The following CTIF variants were observed in gnomAD, a reference collection of about 807,000 sequenced individuals.
CTIF encodes the protein cap binding complex dependent translation initiation factor, also known as CBP80/20-dependent translation initiation factor.
CTIF carries 21 observed loss-of-function variants against 66.0 expected under a neutral mutation model. That is an observed-to-expected ratio of 0.32 (90% CI 0.23 to 0.46). The LOEUF (loss-of-function observed/expected upper bound fraction) is 0.46. Among genes scored for constraint, CTIF ranks in the 20% least tolerant of loss-of-function variants. The pLI, the probability that CTIF is intolerant of heterozygous loss-of-function variation, is 1.00. For missense variants in CTIF, 739 were observed against 812.7 expected (o/e 0.91, Z 1.10); for synonymous variants, 345 against 326.4 (o/e 1.06, Z -0.62).
At chr18:48,836,082 C>T (rs965842122) in intron 10 of CTIF, among the ~76,000 whole-genome samples, 7 of 152,136 alleles carry the variant, frequency 4.6e-5, no homozygotes, top group East Asian at 1.9e-4. Flanking sequence ...TGCATACCCC[C>T]GCCCTAGGAG....
At position 48,701,807 on chromosome 18, in the gene CTIF, T is replaced by C. The variant is rs553395242; in HGVS notation, c.508-9812T>C. Among the ~76,000 whole-genome samples, 20 of 152,306 alleles carry C rather than the reference T, an allele frequency of 1.3e-4. No individual in the cohort carries two copies. The South Asian group carries it at 2.5e-3, about 19-fold the overall frequency. On this transcript the variant is annotated intron_variant, in intron 6 of 11. Transcript: ENST00000256413. ...ATTGCCTGGTAGATTCCTCCTGACA[T>C]GGCTACCCGTGGAGGGCAATAAGGG...
At chr18:48,572,773 AC>A (rs2089444674) in intron 1 of CTIF, among the ~76,000 whole-genome samples, 1 of 151,780 alleles carries the variant, frequency 6.6e-6, no homozygotes, top group South Asian at 2.1e-4. Flanking sequence ...GGATTGCTTG[AC>A]CCCAGGAGTT....
intron 3 of CTIF, among the ~76,000 whole-genome samples, chr18:48,649,100 T>C (rs1353764996): frequency 6.6e-6 from 1 of 152,168 alleles, no homozygotes; most frequent in East Asian, 1.9e-4. Context: ...TCACTGGGAC[T>C]GGTTGGACAG....
At chr18:48,775,221 C>T (rs1238215445) in intron 9 of CTIF, among the ~76,000 whole-genome samples, 1 of 152,218 alleles carries the variant, frequency 6.6e-6, no homozygotes, top group Admixed American at 6.5e-5. Flanking sequence ...GGTCATAATA[C>T]CCATCTCCTC....
At chr18:48,633,618 C>T (rs941321081) in intron 2 of CTIF, among the ~76,000 whole-genome samples, 9 of 151,962 alleles carry the variant, frequency 5.9e-5, no homozygotes, top group African/African-American at 1.9e-4. Context: ...AAGAGAATCG[C>T]TTGAACCTGG....
At chr18:48,722,706 G>A (rs973655128) in intron 7 of CTIF, among the ~76,000 whole-genome samples, 11 of 151,500 alleles carry the variant, frequency 7.3e-5, no homozygotes, top group East Asian at 3.9e-4. Flanking sequence ...ACCCATCAGC[G>A]CTCACAGGTG....
At chr18:48,631,402 G>C (rs1472524767) in intron 2 of CTIF, among the ~76,000 whole-genome samples, 2 of 152,250 alleles carry the variant, frequency 1.3e-5, no homozygotes, top group Non-Finnish European at 2.9e-5. Flanking sequence ...AGAGGGGAAG[G>C]TTGCAGTGAG....
At chr18:48,774,477 G>T (rs149133590) in intron 9 of CTIF, among the ~76,000 whole-genome samples, 13 of 151,244 alleles carry the variant, frequency 8.6e-5, no homozygotes, top group South Asian at 2.1e-4. Flanking sequence ...GGCCTCTTTG[G>T]GGGGGACAGG....
At chr18:48,580,783 C>T (rs1257991107) in intron 1 of CTIF, among the ~76,000 whole-genome samples, 1 of 152,172 alleles carries the variant, frequency 6.6e-6, no homozygotes, top group Non-Finnish European at 1.5e-5. Context: ...TTTTGGCTCC[C>T]CCGCCCTGCA....
At chr18:48,566,153 T>C (rs1323290208) in intron 1 of CTIF, 1 of 152,258 alleles carries the variant, frequency 6.6e-6, no homozygotes, top group Non-Finnish European at 1.5e-5. Flanking sequence ...CCCCACTCAC[T>C]ACTTTCTCAG....
intron 1 of CTIF, among the ~76,000 whole-genome samples, chr18:48,543,477 G>T (rs1476336031): frequency 6.6e-6 from 1 of 152,148 alleles, no homozygotes; most frequent in East Asian, 1.9e-4. Context: ...GCTGTGTGCG[G>T]TTTAATTTAG....
intron 6 of CTIF, among the ~76,000 whole-genome samples, chr18:48,689,393 G>A (rs888441024): frequency 5.9e-5 from 9 of 152,176 alleles, no homozygotes; most frequent in African/African-American, 1.2e-4. Flanking sequence ...GCAGCAGCCC[G>A]CTCTCATTTT....
intron 1 of CTIF, among the ~76,000 whole-genome samples, chr18:48,582,955 C>A (rs981954772): frequency 6.6e-6 from 1 of 152,174 alleles, no homozygotes; most frequent in Admixed American, 6.5e-5. Context: ...ACTGCAGAAT[C>A]GCTTTCATCA....
intron 3 of CTIF, among the ~76,000 whole-genome samples, chr18:48,636,953 G>A (rs980502363): frequency 6.6e-6 from 1 of 152,214 alleles, no homozygotes; most frequent in Admixed American, 6.5e-5. Flanking sequence ...CAGCCCAGAT[G>A]TTCACTGAGG....
rs1017040215 is a variant in CTIF, at chr18:48,582,728, C to T, written c.-28-36810C>T. Among the ~76,000 whole-genome samples the T allele has an allele frequency of 3.9e-5, 6 of 152,188 alleles. No individual in the cohort carries two copies. In the South Asian group the frequency reaches 8.3e-4, roughly 21 times the overall value. ...TAACGGGGTTAGAGCTGCTGCTCTG[C>T]GCTAATAAACGTTTTATTACCTCTA... On this transcript the variant is annotated intron_variant, in intron 1 of 11. Coordinates refer to ENST00000256413, the MANE Select transcript of CTIF (RefSeq NM_014772.3).
chr18:48,674,221 C>G (rs2091588262), intron 6 of CTIF, among the ~76,000 whole-genome samples: 1 of 152,266 alleles, frequency 6.6e-6, no homozygotes, highest in Admixed American at 6.5e-5. Flanking sequence ...GAGACATGCA[C>G]AGATTACCAC....
chr18:48,852,233 T>TAAAAAA (rs10591389), intron 10 of CTIF, among the ~76,000 whole-genome samples: 2,113 of 66,444 alleles, frequency 0.032, 158 homozygotes, highest in African/African-American at 0.074. Context: ...GACCCTGTCT[T>TAAAAAA]AAAAAAAAAA....
chr18:48,766,219 A>G (rs958783751), intron 9 of CTIF, among the ~76,000 whole-genome samples: 2 of 151,300 alleles, frequency 1.3e-5, no homozygotes, highest in African/African-American at 2.4e-5. Context: ...TTTTGTTTAA[A>G]TGCAGATTCT....
chr18:48,638,234 TG>T (rs1162499467), intron 3 of CTIF, among the ~76,000 whole-genome samples: 8 of 152,114 alleles, frequency 5.3e-5, no homozygotes, highest in Admixed American at 5.2e-4. Flanking sequence ...AACTTGGATT[TG>T]GGGACTCAAG....
Sources: allele counts gnomAD v4.1 joint callset (sites outside exome capture counted in the v4.1 genomes callset), GRCh38; gene constraint gnomAD v4.1.1; transcripts MANE v1.5; gene names NCBI Gene and HGNC (gene_info 2026-07-23, HGNC 2026-07-21).